PTPRO: variants seen among roughly 807,000 people sequenced by gnomAD.
PTPRO encodes protein tyrosine phosphatase receptor type O, also known as receptor-type tyrosine-protein phosphatase O.
PTPRO carries 62 observed loss-of-function variants against 145.2 expected under a neutral mutation model. The observed-to-expected ratio is 0.43, with a 90% CI of 0.35 to 0.53. PTPRO has a LOEUF of 0.53. Among genes scored for constraint, PTPRO ranks in the 20% least tolerant of loss-of-function variants. The pLI is 0.01. For synonymous variants in PTPRO, 565 were observed against 514.7 expected (o/e 1.10, Z -1.32); for missense variants, 1,345 against 1,482.7 (o/e 0.91, Z 1.53).
At chr12:15,560,654 G>C (rs552722814) in intron 17 of PTPRO, among the ~76,000 whole-genome samples, 6 of 152,172 alleles carry the variant, frequency 3.9e-5, no homozygotes, top group Non-Finnish European at 1.5e-5. Context: ...AGAAATCAGA[G>C]TCTATACAAT....
At chr12:15,540,191 TG>T (rs1170088507) in intron 12 of PTPRO, among the ~76,000 whole-genome samples, 10 of 152,248 alleles carry the variant, frequency 6.6e-5, no homozygotes, top group Non-Finnish European at 1.3e-4. Context: ...GCATAGTTTC[TG>T]CAGTCCACAC....
intron 2 of PTPRO, among the ~76,000 whole-genome samples, chr12:15,496,592 G>C (rs192130707): frequency 6.6e-6 from 1 of 152,230 alleles, no homozygotes; most frequent in Non-Finnish European, 1.5e-5. Flanking sequence ...TAAAAAATGA[G>C]TATTTTTAAA....
intron 1 of PTPRO, among the ~76,000 whole-genome samples, chr12:15,426,397 A>C (rs1940287159): frequency 6.6e-6 from 1 of 151,984 alleles, no homozygotes; most frequent in South Asian, 2.1e-4. Context: ...TACACTTTTT[A>C]ATTATATTGT....
At chr12:15,567,709 AG>A (rs907611498) in intron 18 of PTPRO, among the ~76,000 whole-genome samples, 1 of 152,190 alleles carries the variant, frequency 6.6e-6, no homozygotes, top group African/African-American at 2.4e-5. Flanking sequence ...CCAGGAGAGG[AG>A]TCCCAACTTT....
At chr12:15,501,254 T>A (rs897319742) in intron 4 of PTPRO, among the ~76,000 whole-genome samples, 1 of 144,856 alleles carries the variant, frequency 6.9e-6, no homozygotes, top group Admixed American at 7.2e-5. Context: ...TTGGTTTTTT[T>A]GTAATAAAAA....
chr12:15,564,963 G>A (rs1037197844), intron 17 of PTPRO, among the ~76,000 whole-genome samples: 1 of 152,160 alleles, frequency 6.6e-6, no homozygotes, highest in African/African-American at 2.4e-5. Context: ...ACTAAAGCAT[G>A]CATTAGCATT....
intron 1 of PTPRO, among the ~76,000 whole-genome samples, chr12:15,462,038 T>C (rs1941315720): frequency 1.3e-5 from 2 of 152,218 alleles, no homozygotes; most frequent in South Asian, 4.1e-4. Context: ...TATGCTCATC[T>C]TCTGTCCCTA....
chr12:15,430,915 A>G (rs1453171404), intron 1 of PTPRO, among the ~76,000 whole-genome samples: 6 of 152,248 alleles, frequency 3.9e-5, no homozygotes, highest in African/African-American at 1.4e-4. Flanking sequence ...GAATTCAGAA[A>G]TAATGCTAAA....
rs1938166667 is a variant in PTPRO at position 15,360,863 on chromosome 12, T to TAC, written c.75+38063_75+38064insCA. On this transcript the variant is annotated intron_variant, in intron 1 of 26. Transcript: ENST00000281171. ...ACGTGTGTATATATGTGTGTGTATA[T>TAC]ATGTGTGTATATACACACATACACA... Among the ~76,000 whole-genome samples, 50 of 102,620 alleles carry TAC rather than the reference T, an allele frequency of 4.9e-4. 3 individuals are homozygous for TAC. The highest frequency in any genetic ancestry group is 1.4e-3 in the African/African-American group (43 of 30,182). The allele number at this position is 102,620 out of a possible 152,430, so 67.3% of individuals were successfully genotyped here. A position where few individuals can be genotyped will look rare whatever the true frequency, so the allele number is the denominator to read the frequency against.
chr12:15,515,734 T>A, intron 8 of PTPRO, 116 bp downstream of exon 8: 3 of 1,293,946 alleles, frequency 2.3e-6, no homozygotes, highest in Non-Finnish European at 3.4e-6. Context: ...TATTAGTTCA[T>A]CCAATATGCT....
intron 6 of PTPRO, among the ~76,000 whole-genome samples, chr12:15,504,688 G>T (rs577738863): frequency 9.2e-5 from 14 of 152,264 alleles, no homozygotes; most frequent in Non-Finnish European, 1.9e-4. Context: ...TTTACTGGAA[G>T]TATAGAGGTC....
At chr12:15,396,716 T>G (rs117157581) in intron 1 of PTPRO, among the ~76,000 whole-genome samples, 1 of 152,170 alleles carries the variant, frequency 6.6e-6, no homozygotes, top group African/African-American at 2.4e-5. Flanking sequence ...GTATGGACTT[T>G]TATGATTCTA....
chr12:15,343,650 G>A (rs542878684), intron 1 of PTPRO, among the ~76,000 whole-genome samples: 44 of 152,182 alleles, frequency 2.9e-4, no homozygotes, highest in Non-Finnish European at 4.7e-4. Flanking sequence ...TTGTGCCAGT[G>A]CACTCCAGAC....
chr12:15,325,051 C>G (rs1357172795), intron 1 of PTPRO, among the ~76,000 whole-genome samples: 1 of 152,120 alleles, frequency 6.6e-6, no homozygotes, highest in Non-Finnish European at 1.5e-5. Context: ...ATAATAAAAT[C>G]CAAAATGTTC....
At chr12:15,511,371 A>C (rs967818119) in intron 7 of PTPRO, among the ~76,000 whole-genome samples, 1 of 152,254 alleles carries the variant, frequency 6.6e-6, no homozygotes, top group Admixed American at 6.5e-5. Context: ...TTAGCAGCTC[A>C]GTAAATATTC....
chr12:15,527,266 C>G (rs766075631), intron 12 of PTPRO, among the ~76,000 whole-genome samples: 2 of 152,186 alleles, frequency 1.3e-5, no homozygotes, highest in African/African-American at 4.8e-5. Flanking sequence ...GACGCCTCCC[C>G]CGCGATTCTG....
chr12:15,420,224 A>G (rs947594877), intron 1 of PTPRO, among the ~76,000 whole-genome samples: 8 of 151,002 alleles, frequency 5.3e-5, no homozygotes, highest in Non-Finnish European at 1.2e-4. Flanking sequence ...CCTTTTTAAA[A>G]TTTAAGTCTG....
intron 1 of PTPRO, among the ~76,000 whole-genome samples, chr12:15,475,844 T>C (rs1339145645): frequency 6.6e-6 from 1 of 152,136 alleles, no homozygotes; most frequent in Non-Finnish European, 1.5e-5. Context: ...GATTCTTAAT[T>C]TGTATCGACT....
intron 1 of PTPRO, among the ~76,000 whole-genome samples, chr12:15,338,432 C>T (rs548655773): frequency 2.0e-5 from 3 of 152,106 alleles, no homozygotes; most frequent in Non-Finnish European, 1.5e-5. Context: ...TAGGAACATA[C>T]ACAAAATACA....
Sources: gnomAD v4.1 joint callset for allele counts (sites outside exome capture counted in the v4.1 genomes callset) on GRCh38, gnomAD v4.1.1 for gene constraint, MANE v1.5 for transcripts, NCBI Gene and HGNC (gene_info 2026-07-23, HGNC 2026-07-21) for gene names.